Variants in SLC41A3 observed in about 807,000 individuals in gnomAD.
The protein encoded by SLC41A3 is SLC41A1-like 2.
A neutral mutation model predicts 45.4 loss-of-function variants in SLC41A3; 44 were observed. The observed-to-expected ratio is 0.97, with a 90% confidence interval of 0.76 to 1.25. The LOEUF (loss-of-function observed/expected upper bound fraction) is 1.25, where lower values mean the gene tolerates loss of function less well. Among genes scored for constraint, SLC41A3 ranks in the 50% most tolerant of loss-of-function variants. The pLI is 0.00. For synonymous variants in SLC41A3, 256 were observed against 252.4 expected, an observed-to-expected ratio of 1.01 and a Z score of -0.13; for missense variants, 550 against 600.6, an observed-to-expected ratio of 0.92 and a Z score of 0.88.
Position 126,015,560 on chromosome 3 carries a change from T to A in SLC41A3, c.904A>T (p.Ile302Phe), listed in dbSNP as rs747907741. The A allele has an allele frequency of 6.2e-7, 1 of 1,614,198 alleles. No homozygotes were observed. The highest frequency in any genetic ancestry group is 1.1e-5 in the South Asian group (1 of 91,090). ...AMVISSFGGLILSKTVSKQQY... is the reference protein window; with the variant it reads ...AMVISSFGGLFLSKTVSKQQY... The stretch of plus-strand genomic sequence containing the variant: ...TGTTTAGAAACGGTTTTGCTCAAGA[T>A]GAGTCCTCCGAAACTGGGGAAATAG... Residue 302 changes from isoleucine (I) to phenylalanine (F), a missense_variant, in exon 8 of 11, where the codon ATC (isoleucine) becomes TTC (phenylalanine). Coordinates refer to ENST00000360370, the MANE Select transcript of SLC41A3 (RefSeq NM_017836.4).
chr3:126,051,682 A>T (rs1325545220), intron 2 of SLC41A3, among the ~76,000 whole-genome samples: 2 of 152,214 alleles, frequency 1.3e-5, no homozygotes, highest in Admixed American at 6.5e-5. Context: ...CAGAGGTGAA[A>T]ACAATTCTTA....
intron 8 of SLC41A3, among the ~76,000 whole-genome samples, chr3:126,013,432 G>A (rs1249827499): frequency 1.3e-5 from 2 of 151,980 alleles, no homozygotes; most frequent in African/African-American, 4.8e-5. Context: ...GCATGGTGGT[G>A]CACACCTGTA....
intron 3 of SLC41A3, among the ~76,000 whole-genome samples, chr3:126,049,039 G>A (rs372275659): frequency 2.0e-5 from 3 of 152,194 alleles, no homozygotes; most frequent in South Asian, 2.1e-4. Context: ...GGTGGCTCAC[G>A]CCTGTAATCC....
At chr3:126,043,806 AAAAAAAC>A (rs1376942833) in intron 3 of SLC41A3, among the ~76,000 whole-genome samples, 24 of 143,684 alleles carry the variant, frequency 1.7e-4, no homozygotes, top group South Asian at 4.4e-4. Flanking sequence ...ATCACTGCAA[AAAAAAAC>A]AAAAAAACAA....
At chr3:126,034,027 G>A (rs1472422390) in intron 3 of SLC41A3, among the ~76,000 whole-genome samples, 1 of 152,030 alleles carries the variant, frequency 6.6e-6, no homozygotes. Flanking sequence ...ACACACACAG[G>A]CATTCATGTT....
intron 2 of SLC41A3, among the ~76,000 whole-genome samples, chr3:126,057,478 T>C (rs1051338591): frequency 2.0e-5 from 3 of 152,178 alleles, no homozygotes; most frequent in Admixed American, 2.0e-4. Context: ...GAGGGCAGGC[T>C]GGGGCAGGCA....
intron 1 of SLC41A3, among the ~76,000 whole-genome samples, chr3:126,074,130 C>G (rs1944762642): frequency 6.6e-6 from 1 of 152,052 alleles, no homozygotes; most frequent in Non-Finnish European, 1.5e-5. Flanking sequence ...AACTAACACT[C>G]TTTCACGATA....
chr3:126,097,695 CT>C (rs1945630831), intron 1 of SLC41A3, among the ~76,000 whole-genome samples: 1 of 152,140 alleles, frequency 6.6e-6, no homozygotes, highest in South Asian at 2.1e-4. Context: ...TTCTTCCTAA[CT>C]CTAATGCATG....
chr3:126,084,983 G>C (rs1450172792), upstream of SLC41A3, among the ~76,000 whole-genome samples: 1 of 152,182 alleles, frequency 6.6e-6, no homozygotes, highest in African/African-American at 2.4e-5. Flanking sequence ...TCTTCTCTCT[G>C]AAGCCTGCTA....
At chr3:126,083,252 G>A (rs1945252929) in intron 1 of SLC41A3, among the ~76,000 whole-genome samples, 1 of 152,172 alleles carries the variant, frequency 6.6e-6, no homozygotes, top group Non-Finnish European at 1.5e-5. Flanking sequence ...TCAGGGTGGG[G>A]CTGGGGAACC....
chr3:126,086,993 TA>T (rs763364420), upstream of SLC41A3, among the ~76,000 whole-genome samples: 10 of 152,190 alleles, frequency 6.6e-5, no homozygotes, highest in Non-Finnish European at 1.3e-4. Context: ...AAACTGTCTT[TA>T]AAATCATTGG....
Position 126,026,432 on chromosome 3 carries a change from C to T in SLC41A3, c.501G>A (p.Leu167=), listed in dbSNP as rs775343664. 20 of 1,599,284 alleles carry T rather than the reference C, an allele frequency of 1.3e-5. No homozygotes were observed. Among genetic ancestry groups the T allele is most frequent in the Non-Finnish European group, 1.7e-5 (20 of 1,172,850 alleles). Residue 167 remains leucine, a synonymous_variant, in exon 5 of 11, where the codon CTG becomes CTA. Transcript: ENST00000360370. The surrounding 1 kb of genome is among the most constrained non-coding windows in gnomAD (Gnocchi z 4.2). The part of the protein sequence containing the change: ...VGLLAAVAAL[L]LGVVSREEVD... ...CTTCCTCTCGAGACACCACGCCCAA[C>T]AGCAGCGCAGCCACAGCAGCCAAGA...
intron 3 of SLC41A3, among the ~76,000 whole-genome samples, chr3:126,035,961 G>A (rs557863296): frequency 6.6e-6 from 1 of 152,342 alleles, no homozygotes; most frequent in South Asian, 2.1e-4. Flanking sequence ...GGAATGAAGA[G>A]TTCAAAGAGA....
At chr3:126,054,930 C>G (rs1943562777) in intron 2 of SLC41A3, among the ~76,000 whole-genome samples, 2 of 152,204 alleles carry the variant, frequency 1.3e-5, no homozygotes, top group South Asian at 4.1e-4. Flanking sequence ...CACAGGCTTT[C>G]TAATGGGGGG....
chr3:126,070,023 G>A (rs927168056), intron 1 of SLC41A3, among the ~76,000 whole-genome samples: 2 of 151,504 alleles, frequency 1.3e-5, no homozygotes, highest in African/African-American at 2.4e-5. Context: ...ATGTTGAAAA[G>A]GGGGAAGGCA....
At chr3:126,080,537 T>C (rs1016385833) in intron 1 of SLC41A3, among the ~76,000 whole-genome samples, 5 of 152,156 alleles carry the variant, frequency 3.3e-5, no homozygotes, top group African/African-American at 1.2e-4. Flanking sequence ...ATGGCTTTTA[T>C]AAAAAAGACA....
intron 1 of SLC41A3, among the ~76,000 whole-genome samples, chr3:126,099,573 A>G (rs1207050994): frequency 6.6e-6 from 1 of 152,110 alleles, no homozygotes; most frequent in African/African-American, 2.4e-5. Context: ...TTAGCCAGGC[A>G]CCTGTAGTCT....
At chr3:126,088,195 G>T (rs9847793), upstream of SLC41A3, among the ~76,000 whole-genome samples, 902 of 152,048 alleles carry the variant, frequency 5.9e-3, 3 homozygotes, top group Non-Finnish European at 0.01. Flanking sequence ...TTTTAATTCT[G>T]CATGCCTGTT....
upstream of SLC41A3, among the ~76,000 whole-genome samples, chr3:126,088,874 C>G (rs1945440504): frequency 6.6e-6 from 1 of 152,052 alleles, no homozygotes; most frequent in Non-Finnish European, 1.5e-5. Flanking sequence ...GATGCAGCAC[C>G]CCACAGCTCA....
Sources: allele counts gnomAD v4.1 joint callset (sites outside exome capture counted in the v4.1 genomes callset), GRCh38; gene constraint gnomAD v4.1.1; non-coding constraint Gnocchi (gnomAD v3.1); transcripts MANE v1.5; gene names NCBI Gene and HGNC (gene_info 2026-07-23, HGNC 2026-07-21).